Variants in LOC128462377 observed in about 807,000 individuals in gnomAD.
the LOC128462377 span, among the ~76,000 whole-genome samples, chr16:89,333,970 G>C: frequency 2.6e-5 from 4 of 151,838 alleles, no homozygotes; most frequent in East Asian, 1.9e-4. Context: ...AACTGGTTAA[G>C]AGCCCTCAAT....
the LOC128462377 span, chr16:89,361,665 A>T: frequency 6.6e-6 from 1 of 152,256 alleles, no homozygotes; most frequent in Non-Finnish European, 1.5e-5. Flanking sequence ...AGGCTCAGGG[A>T]GACCTTCCAC....
At chr16:89,378,303 A>G in the LOC128462377 span, among the ~76,000 whole-genome samples, 1 of 152,340 alleles carries the variant, frequency 6.6e-6, no homozygotes, top group East Asian at 1.9e-4. Context: ...GGGGTATAAA[A>G]GGTTATATGT....
chr16:89,377,206 G>A, the LOC128462377 span, among the ~76,000 whole-genome samples: 2 of 152,102 alleles, frequency 1.3e-5, no homozygotes, highest in African/African-American at 2.4e-5. Flanking sequence ...CCTCTAGATC[G>A]GGGTCATAGG....
At chr16:89,363,531 GA>G in the LOC128462377 span, among the ~76,000 whole-genome samples, 12 of 151,474 alleles carry the variant, frequency 7.9e-5, no homozygotes, top group South Asian at 1.5e-3. Context: ...TCTCAAGGGG[GA>G]AAAAAAACCT....
chr16:89,372,581 A>G, the LOC128462377 span, among the ~76,000 whole-genome samples: 1 of 152,212 alleles, frequency 6.6e-6, no homozygotes, highest in Admixed American at 6.5e-5. Flanking sequence ...TAAAATACTA[A>G]CATTAAGATA....
the LOC128462377 span, among the ~76,000 whole-genome samples, chr16:89,321,450 C>T: frequency 2.0e-4 from 4 of 19,532 alleles, no homozygotes; most frequent in South Asian, 1.6e-3. Flanking sequence ...GGGTGTGGGG[C>T]GGGAGCTGCG....
the LOC128462377 span, among the ~76,000 whole-genome samples, chr16:89,344,895 C>T: frequency 1.3e-5 from 2 of 152,194 alleles, no homozygotes; most frequent in Admixed American, 6.5e-5. Flanking sequence ...CTGTATTTTC[C>T]TTAGTTTCAT....
chr16:89,385,862 G>C, the LOC128462377 span, among the ~76,000 whole-genome samples: 3 of 152,242 alleles, frequency 2.0e-5, no homozygotes, highest in African/African-American at 7.2e-5. Context: ...GGCTCGCCAA[G>C]AGCTCCATTT....
chr16:89,413,482 G>A, the LOC128462377 span, among the ~76,000 whole-genome samples: 2 of 152,036 alleles, frequency 1.3e-5, no homozygotes, highest in African/African-American at 4.8e-5. Context: ...AAAATTAGCC[G>A]GGCGTGGTGG....
At chr16:89,324,154 A>T in the LOC128462377 span, 1 of 1,026,978 alleles carries the variant, frequency 9.7e-7, no homozygotes, top group South Asian at 1.7e-5. Context: ...CCCTGTTTCC[A>T]CTCACATTTT....
the LOC128462377 span, among the ~76,000 whole-genome samples, chr16:89,376,284 C>A: frequency 3.3e-5 from 5 of 152,086 alleles, no homozygotes; most frequent in Admixed American, 3.3e-4. Flanking sequence ...GAAGTGGATG[C>A]CAGCAAAGGA....
the LOC128462377 span, among the ~76,000 whole-genome samples, chr16:89,371,937 G>A: frequency 3.9e-5 from 6 of 152,204 alleles, no homozygotes; most frequent in South Asian, 2.1e-4. Flanking sequence ...TACAGAACAG[G>A]AGGCTGCTCC....
At chr16:89,374,447 G>A in the LOC128462377 span, among the ~76,000 whole-genome samples, 1 of 152,124 alleles carries the variant, frequency 6.6e-6, no homozygotes. Context: ...TGTACATCCA[G>A]AAAAGCCTAA....
At chr16:89,367,328 T>C in the LOC128462377 span, among the ~76,000 whole-genome samples, 18 of 152,228 alleles carry the variant, frequency 1.2e-4, no homozygotes, top group Non-Finnish European at 2.1e-4. Flanking sequence ...CCCCTCCTCC[T>C]GAGCACAGTG....
the LOC128462377 span, chr16:89,324,286 G>A: frequency 8.0e-7 from 1 of 1,256,570 alleles, no homozygotes; most frequent in Non-Finnish European, 1.0e-6. Flanking sequence ...CCGTGCTCCG[G>A]AACACGGACC....
the LOC128462377 span, among the ~76,000 whole-genome samples, chr16:89,356,911 C>T: frequency 5.1e-4 from 77 of 152,320 alleles, no homozygotes; most frequent in Non-Finnish European, 7.6e-4. Context: ...TGTAATCTCC[C>T]GGAGTCCCAG....
chr16:89,332,137 A>G, the LOC128462377 span, among the ~76,000 whole-genome samples: 1 of 152,192 alleles, frequency 6.6e-6, no homozygotes, highest in South Asian at 2.1e-4. Context: ...TAAAAAAAAA[A>G]GATAATAATC....
chr16:89,319,620 C>T, the LOC128462377 span, among the ~76,000 whole-genome samples: 1 of 152,222 alleles, frequency 6.6e-6, no homozygotes, highest in African/African-American at 2.4e-5. Context: ...CAACCCCAGC[C>T]CCCGCCTCTC....
the LOC128462377 span, among the ~76,000 whole-genome samples, chr16:89,403,096 G>A: frequency 6.6e-6 from 1 of 152,178 alleles, no homozygotes; most frequent in East Asian, 1.9e-4. Context: ...ATCACTGCAC[G>A]TGGACACATC....
Sources: gnomAD v4.1 joint callset for allele counts (sites outside exome capture counted in the v4.1 genomes callset) on GRCh38, gnomAD v4.1.1 for gene constraint, MANE v1.5 for transcripts.